AP1AR: variants seen among roughly 807,000 people sequenced by gnomAD.
The protein encoded by AP1AR is adaptor related protein complex 1 associated regulatory protein.
In AP1AR, 29 loss-of-function variants were observed where a neutral mutation model predicts 46.3. That is an observed-to-expected ratio of 0.63 (90% CI 0.47 to 0.85). The LOEUF (loss-of-function observed/expected upper bound fraction) is 0.85. Ranked by LOEUF, AP1AR falls within the 40% of genes least tolerant of loss-of-function variation. The pLI, the probability that AP1AR is intolerant of heterozygous loss-of-function variation, is 0.00. For missense variants in AP1AR, 357 were observed against 356.3 expected (o/e 1.00, Z -0.02); for synonymous variants, 122 against 122.9 (o/e 0.99, Z 0.05).
chr4:112,271,497 C>G lies in AP1AR; in HGVS notation c.*3088C>G, dbSNP rs1296107279. Among the ~76,000 whole-genome samples the G allele has an allele frequency of 6.6e-6, 1 of 152,222 alleles. No individual in the cohort carries two copies. Among genetic ancestry groups the G allele is most frequent in the Non-Finnish European group, 1.5e-5 (1 of 68,044 alleles). On this transcript the variant is annotated 3_prime_UTR_variant, in exon 10 of 10. Coordinates refer to ENST00000274000, the MANE Select transcript of AP1AR (RefSeq NM_018569.6). ...GGACCAGGTATACAGGGAGCTGACT[C>G]CATCCTGATACTGCTTTTGCTGTCT...
chr4:112,233,714 G>A (rs1725119548), intron 1 of AP1AR, among the ~76,000 whole-genome samples: 1 of 152,202 alleles, frequency 6.6e-6, no homozygotes, highest in Admixed American at 6.5e-5. Flanking sequence ...TGGGGTCTCC[G>A]TAGAGTACGG....
chr4:112,257,835 G>T (rs1578416699), intron 4 of AP1AR, 38 bp downstream of exon 4: 1 of 1,509,020 alleles, frequency 6.6e-7, no homozygotes, highest in African/African-American at 1.4e-5. Flanking sequence ...AAACTTCTAT[G>T]CAAACTGTAA....
intron 2 of AP1AR, among the ~76,000 whole-genome samples, chr4:112,253,826 C>T (rs141926678): frequency 1.5e-4 from 23 of 152,246 alleles, no homozygotes; most frequent in South Asian, 1.5e-3. Flanking sequence ...TATTACACAA[C>T]CTATTAAGTG....
intron 1 of AP1AR, among the ~76,000 whole-genome samples, chr4:112,241,033 C>A (rs1288773110): frequency 1.3e-5 from 2 of 152,136 alleles, no homozygotes; most frequent in Non-Finnish European, 2.9e-5. Flanking sequence ...CCTCTAAGGT[C>A]CCTTCTCATT....
At chr4:112,251,263 GGAC>G (rs1414261083) in intron 1 of AP1AR, among the ~76,000 whole-genome samples, 1 of 152,202 alleles carries the variant, frequency 6.6e-6, no homozygotes, top group Non-Finnish European at 1.5e-5. Flanking sequence ...AGTCATGTGA[GGAC>G]GTGAGTGTCC....
chr4:112,260,248 G>T (rs1271170089), intron 4 of AP1AR, among the ~76,000 whole-genome samples: 2 of 152,190 alleles, frequency 1.3e-5, no homozygotes, highest in Non-Finnish European at 2.9e-5. Flanking sequence ...CATATTGGTT[G>T]TAAGTGAAGC....
Position 112,247,401 on chromosome 4 carries a change from G to A in AP1AR, c.84-5807G>A, listed in dbSNP as rs1041415377. 3.5e-4 allele frequency among the ~76,000 whole-genome samples: 53 copies of A among 152,296 alleles called. 1 individual carries two copies. Among genetic ancestry groups the A allele is most frequent in the African/African-American group, 1.1e-3 (44 of 41,576 alleles). Reference sequence around the variant, plus strand: ...TTTTTGGGCTGATGTTTATGTTAACGTTGTAGTTTCGAATTTGAATAGAGG... The same window carrying A: ...TTTTTGGGCTGATGTTTATGTTAACATTGTAGTTTCGAATTTGAATAGAGG... On this transcript the variant is annotated intron_variant, in intron 1 of 9. Coordinates refer to ENST00000274000, the MANE Select transcript of AP1AR (RefSeq NM_018569.6).
At chr4:112,248,705 T>C (rs990884655) in intron 1 of AP1AR, among the ~76,000 whole-genome samples, 7 of 152,214 alleles carry the variant, frequency 4.6e-5, no homozygotes, top group African/African-American at 1.7e-4. Context: ...TGTGAGTTCT[T>C]ATCTAATTAA....
chr4:112,259,387 A>G (rs1186904945), intron 4 of AP1AR, among the ~76,000 whole-genome samples: 1 of 152,136 alleles, frequency 6.6e-6, no homozygotes, highest in Non-Finnish European at 1.5e-5. Context: ...ACTTAGCCAT[A>G]CTCTTAATCT....
intron 5 of AP1AR, among the ~76,000 whole-genome samples, chr4:112,262,378 A>G (rs1484559969): frequency 1.3e-5 from 2 of 152,238 alleles, no homozygotes; most frequent in African/African-American, 4.8e-5. Flanking sequence ...GTAGCTGTTA[A>G]TATTAGTCTA....
rs936552146 is a variant in AP1AR, at chr4:112,270,785, A to T, written c.*2376A>T. Among the ~76,000 whole-genome samples the T allele has an allele frequency of 2.6e-5, 4 of 152,218 alleles. No individual in the cohort carries two copies. Among genetic ancestry groups the T allele is most frequent in the African/African-American group, 9.6e-5 (4 of 41,464 alleles). Reference sequence around the variant, plus strand: ...TGGTAGTTAAGGGCCAGATGATGCAAGACCTTGTAGACCAAGAATGAGTTT... The same window carrying T: ...TGGTAGTTAAGGGCCAGATGATGCATGACCTTGTAGACCAAGAATGAGTTT... On this transcript the variant is annotated 3_prime_UTR_variant, in exon 10 of 10. Coordinates refer to ENST00000274000, the MANE Select transcript of AP1AR (RefSeq NM_018569.6).
chr4:112,240,274 C>T (rs559291350), intron 1 of AP1AR, among the ~76,000 whole-genome samples: 2 of 152,256 alleles, frequency 1.3e-5, no homozygotes, highest in East Asian at 3.9e-4. Flanking sequence ...TTAGATGACT[C>T]CTATTCACTC....
intron 1 of AP1AR, among the ~76,000 whole-genome samples, chr4:112,237,361 C>T (rs1170808729): frequency 6.6e-6 from 1 of 152,046 alleles, no homozygotes; most frequent in Non-Finnish European, 1.5e-5. Flanking sequence ...CCGTCTCGGC[C>T]TCCTAAAGTG....
chr4:112,235,658 G>A (rs925902055), intron 1 of AP1AR, among the ~76,000 whole-genome samples: 1 of 152,144 alleles, frequency 6.6e-6, no homozygotes, highest in African/African-American at 2.4e-5. Context: ...AACTTAGAAA[G>A]TTGAACTTTC....
At chr4:112,234,570 A>G (rs1396001247) in intron 1 of AP1AR, among the ~76,000 whole-genome samples, 2 of 152,002 alleles carry the variant, frequency 1.3e-5, no homozygotes, top group African/African-American at 4.8e-5. Flanking sequence ...TTTAACATCA[A>G]TTTTAATACT....
At chr4:112,253,468 A>G (rs2110480765) in intron 2 of AP1AR, among the ~76,000 whole-genome samples, 1 of 152,288 alleles carries the variant, frequency 6.6e-6, no homozygotes, top group East Asian at 1.9e-4. Flanking sequence ...CTGTTTTTCT[A>G]ATAGCTTTTT....
intron 5 of AP1AR, 104 bp downstream of exon 5, chr4:112,260,966 C>A: frequency 1.7e-6 from 1 of 576,834 alleles, no homozygotes; most frequent in Non-Finnish European, 2.8e-6. Flanking sequence ...TAGATATATA[C>A]AGATGAATCT....
intron 5 of AP1AR, among the ~76,000 whole-genome samples, chr4:112,261,508 T>G (rs1010213922): frequency 3.9e-5 from 6 of 152,208 alleles, no homozygotes; most frequent in Non-Finnish European, 7.3e-5. Context: ...GAAGAGTTTT[T>G]ATCTTGGTGT....
intron 1 of AP1AR, among the ~76,000 whole-genome samples, chr4:112,248,616 C>G (rs1448505465): frequency 2.0e-5 from 3 of 152,122 alleles, no homozygotes; most frequent in African/African-American, 7.2e-5. Flanking sequence ...TCTCTTCTCT[C>G]TGCTTTTGTG....
Sources: allele counts gnomAD v4.1 joint callset (sites outside exome capture counted in the v4.1 genomes callset), GRCh38; gene constraint gnomAD v4.1.1; transcripts MANE v1.5; gene names NCBI Gene and HGNC (gene_info 2026-07-23, HGNC 2026-07-21).